Variants in CLN3 observed in about 807,000 individuals in gnomAD.
CLN3 encodes CLN3 lysosomal/endosomal transmembrane protein, battenin, also known as battenin.
A neutral mutation model predicts 60.7 loss-of-function variants in CLN3; 49 were observed. The observed-to-expected ratio is 0.81, with a 90% CI of 0.64 to 1.02. The LOEUF (loss-of-function observed/expected upper bound fraction) is 1.02. CLN3 is among the 50% of genes least tolerant of loss of function. CLN3 has a pLI of 0.00. For synonymous variants in CLN3, 256 were observed against 245.8 expected (o/e 1.04, Z -0.39); for missense variants, 516 against 557.4 (o/e 0.93, Z 0.75).
In CLN3 at chr16:28,477,556, A is replaced by G. The variant is rs1596619182; in HGVS notation, c.1277T>C (p.Leu426Pro). ...DTLGISLSGLLALPLHDFLCQ... is the reference protein window; with the variant it reads ...DTLGISLSGLPALPLHDFLCQ... ...GAGGAAGTCATGCAGAGGCAAAGCC[A>G]GGAGCCCCGACAGGGAGATCCCCAG... The change falls in exon 16 of 16, where the codon CTG becomes CCG. Residue 426 changes from leucine to proline, a missense_variant. Transcript: ENST00000636147. 1.2e-6 allele frequency: 2 copies of G among 1,614,032 alleles called. No individual in the cohort carries two copies. The highest frequency in any genetic ancestry group is 1.7e-6 in the Non-Finnish European group (2 of 1,180,040).
rs2046234201 is a variant in CLN3 at position 28,487,177 on chromosome 16, C to T, written c.460+279G>A. Reference sequence around the variant, plus strand: ...CTGCCTGCCTTGGCTTTCCAAAGTGCTGGGATTATAGGCATGAGTCACTGT... The same window carrying T: ...CTGCCTGCCTTGGCTTTCCAAAGTGTTGGGATTATAGGCATGAGTCACTGT... On this transcript the variant is annotated intron_variant, in intron 7 of 15. Coordinates refer to ENST00000636147, the MANE Select transcript of CLN3 (RefSeq NM_001042432.2). 3.4e-5 allele frequency: 18 copies of T among 523,580 alleles called. No individual in the cohort carries two copies. In the South Asian group the frequency reaches 3.7e-4, roughly 11 times the overall value. The allele number at this position is 523,580 out of a possible 1,614,324, so 32.4% of individuals were successfully genotyped here. A position where few individuals can be genotyped will look rare whatever the true frequency, so the allele number is the denominator to read the frequency against.
chr16:28,483,518 G>A (rs959156703), intron 10 of CLN3, among the ~76,000 whole-genome samples: 6 of 148,116 alleles, frequency 4.1e-5, no homozygotes, highest in South Asian at 2.2e-4. Flanking sequence ...CACCACGCCC[G>A]GCCAATGTCT....
intron 9 of CLN3, among the ~76,000 whole-genome samples, chr16:28,486,021 A>G (rs1405812567): frequency 7.3e-5 from 11 of 150,266 alleles, no homozygotes; most frequent in Admixed American, 2.7e-4. Flanking sequence ...TTCCTGAGAC[A>G]GAGTCTAACT....
downstream of CLN3, among the ~76,000 whole-genome samples, chr16:28,472,567 G>A (rs921627514): frequency 7.2e-5 from 11 of 151,798 alleles, no homozygotes; most frequent in East Asian, 3.9e-4. Flanking sequence ...GAGGCTGGGC[G>A]CGCTGGTTCA....
At chr16:28,491,373 A>T in intron 3 of CLN3, 109 bp downstream of exon 3, 1 of 1,450,048 alleles carries the variant, frequency 6.9e-7, no homozygotes, top group Non-Finnish European at 9.4e-7. Context: ...TTCAGTAAAT[A>T]TTTGTGGGTT....
downstream of CLN3, chr16:28,475,921 T>C (rs2045990002): frequency 2.6e-5 from 4 of 151,318 alleles, no homozygotes; most frequent in Admixed American, 2.6e-4. Flanking sequence ...AGTCTTGCTC[T>C]GTTGCCCAGG....
chr16:28,473,081 G>C (rs2045965105), downstream of CLN3, among the ~76,000 whole-genome samples: 1 of 151,914 alleles, frequency 6.6e-6, no homozygotes, highest in Non-Finnish European at 1.5e-5. Flanking sequence ...GGGAGTACAG[G>C]CACGCAGCAC....
downstream of CLN3, among the ~76,000 whole-genome samples, chr16:28,472,030 C>CA (rs944388852): frequency 1.2e-3 from 169 of 142,318 alleles, no homozygotes; most frequent in Non-Finnish European, 2.0e-3. Flanking sequence ...ACTCCGTCTC[C>CA]AAAAAAAAAA....
chr16:28,475,603 C>T (rs1399963041), downstream of CLN3: 1 of 152,180 alleles, frequency 6.6e-6, no homozygotes, highest in Non-Finnish European at 1.5e-5. Context: ...TCTGGGTCCA[C>T]AAACATCACT....
chr16:28,470,725 G>T (rs1316698987), downstream of CLN3, among the ~76,000 whole-genome samples: 1 of 150,928 alleles, frequency 6.6e-6, no homozygotes. Context: ...AGGAGGAGAA[G>T]AAGAAAGGGG....
At chr16:28,482,756 C>T (rs989984381) in intron 10 of CLN3, 84 bp from the exon 11 acceptor site, 1 of 1,422,672 alleles carries the variant, frequency 7.0e-7, no homozygotes, top group Admixed American at 1.8e-5. Context: ...CAGAATTAAC[C>T]AGACCACGCA....
chr16:28,484,331 T>C, intron 9 of CLN3: 1 of 571,176 alleles, frequency 1.8e-6, no homozygotes, highest in Admixed American at 3.0e-5. Flanking sequence ...TCCTTATTCC[T>C]ATTCATGGGC....
chr16:28,473,686 T>C (rs558664647), downstream of CLN3, among the ~76,000 whole-genome samples: 1 of 152,232 alleles, frequency 6.6e-6, no homozygotes, highest in Non-Finnish European at 1.5e-5. Flanking sequence ...ATGTATCTTA[T>C]AAGGGACTTC....
At chr16:28,477,692 G>A in intron 15 of CLN3, 45 bp downstream of exon 15, 1 of 1,614,088 alleles carries the variant, frequency 6.2e-7, no homozygotes, top group Non-Finnish European at 8.5e-7. Flanking sequence ...TGCCCTGGGT[G>A]TCCCTGGACA....
intron 14 of CLN3, among the ~76,000 whole-genome samples, chr16:28,478,612 T>G (rs2046035325): frequency 1.1e-5 from 1 of 90,316 alleles, no homozygotes; most frequent in African/African-American, 6.8e-5. Flanking sequence ...CAAGATCCTG[T>G]CTCATAAAAA....
At chr16:28,484,968 C>G (rs1198067580) in intron 9 of CLN3, 2 of 148,284 alleles carry the variant, frequency 1.3e-5, no homozygotes, top group Non-Finnish European at 3.0e-5. Flanking sequence ...TTTTTTTAGA[C>G]GGAGTCTCGC....
chr16:28,480,152 G>A (rs1270458963), intron 14 of CLN3, among the ~76,000 whole-genome samples: 1 of 151,634 alleles, frequency 6.6e-6, no homozygotes, highest in Non-Finnish European at 1.5e-5. Flanking sequence ...ATGAGGTCTC[G>A]TGATGTTACC....
At position 28,492,067 on chromosome 16, in the gene CLN3, G is replaced by A; in HGVS notation, c.-124C>T. ...TGCACTATGCAGAGGCCGTTTGTCG[G>A]ATCACGTGACAGCACCCGCGTGTTC... On this transcript the variant is annotated 5_prime_UTR_variant, in exon 1 of 16. Transcript: ENST00000636147. 2.1e-6 allele frequency: 1 copy of A among 478,004 alleles called. No homozygotes were observed. The highest frequency in any genetic ancestry group is 2.5e-5 in the South Asian group (1 of 39,644). The allele number at this position is 478,004 out of a possible 1,614,324, so 29.6% of individuals were successfully genotyped here. A position where few individuals can be genotyped will look rare whatever the true frequency, so the allele number is the denominator to read the frequency against.
At chr16:28,473,520 C>T (rs1414478513), downstream of CLN3, among the ~76,000 whole-genome samples, 1 of 152,196 alleles carries the variant, frequency 6.6e-6, no homozygotes, top group Non-Finnish European at 1.5e-5. Context: ...TGAGCCACTG[C>T]ACCTGGCTCC....
Sources: allele counts gnomAD v4.1 joint callset (sites outside exome capture counted in the v4.1 genomes callset), GRCh38; gene constraint gnomAD v4.1.1; transcripts MANE v1.5; gene names NCBI Gene and HGNC (gene_info 2026-07-23, HGNC 2026-07-21).